Variants in PPARGC1A observed in about 807,000 individuals in gnomAD.
PPARGC1A encodes PPARG coactivator 1 alpha.
In PPARGC1A, 25 loss-of-function variants were observed where a neutral mutation model predicts 88.7. The ratio of observed to expected loss-of-function variants is 0.28; its 90% CI spans 0.21 to 0.39. The LOEUF is 0.39. PPARGC1A is among the 10% of genes least tolerant of loss of function. The pLI is 1.00. For missense variants in PPARGC1A, 880 were observed against 968.7 expected, an observed-to-expected ratio of 0.91 and a Z score of 1.22; for synonymous variants, 363 against 355.6, an observed-to-expected ratio of 1.02 and a Z score of -0.24.
At chr4:23,922,129 C>A in the PPARGC1A span, among the ~76,000 whole-genome samples, 3 of 152,206 alleles carry the variant, frequency 2.0e-5, no homozygotes, top group Non-Finnish European at 4.4e-5. Context: ...AAATGCTACA[C>A]AAACACCTAA....
the PPARGC1A span, among the ~76,000 whole-genome samples, chr4:23,929,217 C>G: frequency 6.6e-6 from 1 of 152,126 alleles, no homozygotes; most frequent in African/African-American, 2.4e-5. Context: ...TAGGTCAACC[C>G]AGGGAGGTAC....
At chr4:23,953,501 T>C in the PPARGC1A span, among the ~76,000 whole-genome samples, 1 of 152,120 alleles carries the variant, frequency 6.6e-6, no homozygotes, top group Admixed American at 6.6e-5. Context: ...TTGAGTCAGA[T>C]ATTTGAATGA....
chr4:24,016,229 AG>A, the PPARGC1A span, among the ~76,000 whole-genome samples: 1 of 152,228 alleles, frequency 6.6e-6, no homozygotes, highest in Non-Finnish European at 1.5e-5. Flanking sequence ...GACCATTTCA[AG>A]GGCTCATGGA....
the PPARGC1A span, among the ~76,000 whole-genome samples, chr4:23,967,034 G>T: frequency 6.6e-6 from 1 of 152,150 alleles, no homozygotes; most frequent in Non-Finnish European, 1.5e-5. Flanking sequence ...AAACTCATTT[G>T]AGGATGTGCC....
the PPARGC1A span, among the ~76,000 whole-genome samples, chr4:24,343,029 G>A: frequency 6.6e-6 from 1 of 152,156 alleles, no homozygotes; most frequent in Non-Finnish European, 1.5e-5. Flanking sequence ...AGCTCTGAAG[G>A]TCAGTCAGCT....
the PPARGC1A span, among the ~76,000 whole-genome samples, chr4:24,424,260 T>C: frequency 2.4e-5 from 1 of 41,166 alleles, no homozygotes; most frequent in East Asian, 6.0e-4. Context: ...TACACACACT[T>C]TTTTTTTTTT....
chr4:23,889,351 A>C, intron 1 of PPARGC1A: 2 of 985,346 alleles, frequency 2.0e-6, no homozygotes, highest in Non-Finnish European at 2.4e-6. Context: ...AGGAAGCAGC[A>C]TCGTTGTTTT....
chr4:24,370,458 T>C, the PPARGC1A span, among the ~76,000 whole-genome samples: 2 of 152,224 alleles, frequency 1.3e-5, no homozygotes, highest in African/African-American at 4.8e-5. Flanking sequence ...AAAGAGTAGA[T>C]GAATGACTTC....
At chr4:24,365,509 T>C in the PPARGC1A span, among the ~76,000 whole-genome samples, 1 of 151,710 alleles carries the variant, frequency 6.6e-6, no homozygotes, top group African/African-American at 2.4e-5. Context: ...CTGTATTTAT[T>C]TTATTTCACT....
At chr4:24,092,179 T>C in the PPARGC1A span, among the ~76,000 whole-genome samples, 4 of 152,128 alleles carry the variant, frequency 2.6e-5, no homozygotes, top group Non-Finnish European at 5.9e-5. Flanking sequence ...TCTGAGCATC[T>C]AGAGTCCCTC....
chr4:24,417,121 TGGAA>T, the PPARGC1A span, among the ~76,000 whole-genome samples: 1 of 151,164 alleles, frequency 6.6e-6, no homozygotes, highest in African/African-American at 2.4e-5. Context: ...GAAGGAGAGT[TGGAA>T]GGGAGTTAGG....
chr4:23,952,741 A>T, the PPARGC1A span, among the ~76,000 whole-genome samples: 1 of 152,112 alleles, frequency 6.6e-6, no homozygotes, highest in African/African-American at 2.4e-5. Flanking sequence ...AGGAACCCTG[A>T]AACTTAAAAA....
chr4:24,315,708 G>A, the PPARGC1A span, among the ~76,000 whole-genome samples: 1 of 152,296 alleles, frequency 6.6e-6, no homozygotes, highest in African/African-American at 2.4e-5. Flanking sequence ...GTGGGTAGAA[G>A]CCAGGGATGC....
intron 2 of PPARGC1A, among the ~76,000 whole-genome samples, chr4:23,867,226 C>T (rs1350553359): frequency 1.3e-5 from 2 of 152,150 alleles, no homozygotes; most frequent in Non-Finnish European, 2.9e-5. Flanking sequence ...GAATGCATCC[C>T]CTTATTTTAT....
chr4:24,198,737 G>A, the PPARGC1A span, among the ~76,000 whole-genome samples: 6 of 152,150 alleles, frequency 3.9e-5, no homozygotes, highest in Non-Finnish European at 8.8e-5. Flanking sequence ...GAATGGGGAA[G>A]GGAAGGTGGT....
the PPARGC1A span, among the ~76,000 whole-genome samples, chr4:24,344,713 C>G: frequency 2.2e-4 from 34 of 152,092 alleles, no homozygotes; most frequent in African/African-American, 7.9e-4. Flanking sequence ...TGTCTCTTTA[C>G]TCTGCTGACT....
At chr4:23,872,674 C>T (rs1713653383) in intron 2 of PPARGC1A, among the ~76,000 whole-genome samples, 1 of 152,214 alleles carries the variant, frequency 6.6e-6, no homozygotes. Flanking sequence ...GTCTTCATCA[C>T]TAACCAAAAT....
the PPARGC1A span, among the ~76,000 whole-genome samples, chr4:24,038,569 A>G: frequency 6.6e-6 from 1 of 152,182 alleles, no homozygotes; most frequent in African/African-American, 2.4e-5. Flanking sequence ...ATGTAGAGCA[A>G]TAACATTCTA....
the PPARGC1A span, among the ~76,000 whole-genome samples, chr4:24,300,295 TAAGCAATGG>T: frequency 2.0e-5 from 3 of 146,638 alleles, no homozygotes; most frequent in African/African-American, 7.6e-5. Context: ...TTTCCTCCTT[TAAGCAATGG>T]TATTTTTCTA....
Sources: gnomAD v4.1 joint callset for allele counts (sites outside exome capture counted in the v4.1 genomes callset) on GRCh38, gnomAD v4.1.1 for gene constraint, MANE v1.5 for transcripts, NCBI Gene and HGNC (gene_info 2026-07-23, HGNC 2026-07-21) for gene names.